The following POPDC1 variants were observed in gnomAD, a reference collection of about 807,000 sequenced individuals.
POPDC1 encodes popeye domain-containing protein 1.
the POPDC1 span, chr6:105,133,318 AAAAGTTACAT>A: frequency 6.5e-6 from 10 of 1,534,722 alleles, no homozygotes; most frequent in Non-Finnish European, 8.9e-6. Context: ...TCAGTTACAG[AAAAGTTACAT>A]AAAGTATCAG....
chr6:105,102,871 G>A, the POPDC1 span, among the ~76,000 whole-genome samples: 13 of 152,086 alleles, frequency 8.5e-5, no homozygotes, highest in African/African-American at 1.7e-4. Context: ...ATGTATACTC[G>A]CTGTATATAT....
At chr6:105,132,268 T>C in the POPDC1 span, among the ~76,000 whole-genome samples, 1 of 152,174 alleles carries the variant, frequency 6.6e-6, no homozygotes, top group African/African-American at 2.4e-5. Context: ...GTCCAGCCCA[T>C]TTATATTTTT....
At chr6:105,133,334 A>G in the POPDC1 span, 1 of 1,575,552 alleles carries the variant, frequency 6.3e-7, no homozygotes, top group Non-Finnish European at 8.7e-7. Context: ...TACATAAAGT[A>G]TCAGTTAGGT....
chr6:105,121,062 T>C, the POPDC1 span, among the ~76,000 whole-genome samples: 1 of 152,170 alleles, frequency 6.6e-6, no homozygotes, highest in East Asian at 1.9e-4. Flanking sequence ...TACAAGAGCA[T>C]GGACATATGC....
the POPDC1 span, chr6:105,115,578 T>G: frequency 2.8e-6 from 4 of 1,406,462 alleles, no homozygotes; most frequent in Non-Finnish European, 3.9e-6. Context: ...TAGGTTGCCT[T>G]TCAAATAGTT....
chr6:105,115,864 G>A, the POPDC1 span: 3 of 1,605,474 alleles, frequency 1.9e-6, no homozygotes, highest in Non-Finnish European at 2.6e-6. Context: ...GAGAATTATG[G>A]GAGTTGAATC....
At chr6:105,100,168 AAAT>A in the POPDC1 span, 1 of 152,172 alleles carries the variant, frequency 6.6e-6, no homozygotes, top group Non-Finnish European at 1.5e-5. Flanking sequence ...CCTGGGAGAA[AAAT>A]AAAACCAGTC....
At chr6:105,109,919 G>GT in the POPDC1 span, among the ~76,000 whole-genome samples, 181 of 151,796 alleles carry the variant, frequency 1.2e-3, no homozygotes, top group Non-Finnish European at 2.0e-3. Flanking sequence ...TCACTGTAAG[G>GT]TTTTTTAACC....
At chr6:105,111,831 C>T in the POPDC1 span, among the ~76,000 whole-genome samples, 6 of 152,162 alleles carry the variant, frequency 3.9e-5, 1 homozygote, top group South Asian at 1.2e-3. Flanking sequence ...CTTTTTCTGT[C>T]CGTATTTCTG....
At chr6:105,115,200 C>T in the POPDC1 span, among the ~76,000 whole-genome samples, 1 of 152,258 alleles carries the variant, frequency 6.6e-6, no homozygotes, top group Non-Finnish European at 1.5e-5. Flanking sequence ...CATTCTCCTG[C>T]CTCAGCCTCC....
the POPDC1 span, among the ~76,000 whole-genome samples, chr6:105,128,585 A>G: frequency 1.3e-4 from 20 of 152,226 alleles, no homozygotes; most frequent in African/African-American, 4.3e-4. Flanking sequence ...CAGTAAAACA[A>G]CACAGACTGA....
chr6:105,137,124 G>C, the POPDC1 span: 1 of 151,860 alleles, frequency 6.6e-6, no homozygotes, highest in Non-Finnish European at 1.5e-5. Context: ...TCCGCTGCCC[G>C]GGCCGGGTCC....
At chr6:105,136,581 G>C in the POPDC1 span, 1 of 152,452 alleles carries the variant, frequency 6.6e-6, no homozygotes, top group Admixed American at 6.5e-5. Context: ...AGAGAGCAGA[G>C]ACGGAGCTCA....
At chr6:105,105,362 C>T in the POPDC1 span, among the ~76,000 whole-genome samples, 1 of 152,194 alleles carries the variant, frequency 6.6e-6, no homozygotes, top group African/African-American at 2.4e-5. Flanking sequence ...TTTGTACCAG[C>T]CCCAGTTAGC....
At chr6:105,101,017 G>GA in the POPDC1 span, 1 of 1,512,032 alleles carries the variant, frequency 6.6e-7, no homozygotes, top group South Asian at 1.4e-5. Context: ...TAAAAGCCAT[G>GA]AAAAAGTGCT....
chr6:105,121,233 A>G, the POPDC1 span, among the ~76,000 whole-genome samples: 2 of 152,236 alleles, frequency 1.3e-5, no homozygotes, highest in South Asian at 4.1e-4. Flanking sequence ...ACATCTACAT[A>G]AAGAACAAGA....
chr6:105,134,502 T>G, the POPDC1 span, among the ~76,000 whole-genome samples: 1 of 152,214 alleles, frequency 6.6e-6, no homozygotes, highest in African/African-American at 2.4e-5. Flanking sequence ...TGAATTATTC[T>G]GTTTCAGCAA....
At chr6:105,111,614 TAAAC>T in the POPDC1 span, among the ~76,000 whole-genome samples, 18 of 152,330 alleles carry the variant, frequency 1.2e-4, no homozygotes, top group East Asian at 2.7e-3. Flanking sequence ...AACTACTGAA[TAAAC>T]AGAGAGAATG....
At chr6:105,098,931 C>T in the POPDC1 span, 3 of 152,368 alleles carry the variant, frequency 2.0e-5, no homozygotes, top group Admixed American at 1.3e-4. Context: ...GTGGTGTGAT[C>T]TGTGCTCACT....
Sources: allele counts gnomAD v4.1 joint callset (sites outside exome capture counted in the v4.1 genomes callset), GRCh38; gene constraint gnomAD v4.1.1; transcripts MANE v1.5; gene names NCBI Gene and HGNC (gene_info 2026-07-23, HGNC 2026-07-21).